BLTP1: variants seen among roughly 807,000 people sequenced by gnomAD.
BLTP1 encodes the protein bridge-like lipid transfer protein family member 1, also known as fragile site-associated protein.
the BLTP1 span, chr4:122,309,124 A>G: frequency 8.6e-7 from 1 of 1,160,096 alleles, no homozygotes. Context: ...AATTTTTAAA[A>G]GGCATCTTTC....
At chr4:122,269,640 G>A in the BLTP1 span, 2 of 985,010 alleles carry the variant, frequency 2.0e-6, no homozygotes, top group Non-Finnish European at 2.4e-6. Context: ...GTTTGTTTTT[G>A]TAGCAGATTG....
chr4:122,336,409 T>C, the BLTP1 span: 18,636 of 1,199,880 alleles, frequency 0.016, 802 homozygotes, highest in African/African-American at 0.14. Context: ...TCTTATTATA[T>C]AGAAGGTTTT....
chr4:122,161,950 C>A, the BLTP1 span, among the ~76,000 whole-genome samples: 1 of 152,118 alleles, frequency 6.6e-6, no homozygotes, highest in African/African-American at 2.4e-5. Context: ...CAAGCACATC[C>A]TTAAGGAGCA....
At chr4:122,343,857 C>G in the BLTP1 span, 1 of 691,892 alleles carries the variant, frequency 1.4e-6, no homozygotes, top group African/African-American at 1.9e-5. Flanking sequence ...ACAGTAATCT[C>G]TGGATATCAG....
At chr4:122,173,197 G>C in the BLTP1 span, 1 of 1,586,116 alleles carries the variant, frequency 6.3e-7, no homozygotes, top group Non-Finnish European at 8.6e-7. Flanking sequence ...TTATAATCTT[G>C]AGATGTTGTC....
chr4:122,347,011 C>A, the BLTP1 span: 1 of 755,082 alleles, frequency 1.3e-6, no homozygotes, highest in Non-Finnish European at 1.6e-6. Context: ...ATAGTTTATT[C>A]TATAACTATC....
At chr4:122,299,571 G>T in the BLTP1 span, among the ~76,000 whole-genome samples, 3 of 152,058 alleles carry the variant, frequency 2.0e-5, no homozygotes, top group Admixed American at 1.3e-4. Context: ...AATAATAATG[G>T]CAACAAAAAG....
the BLTP1 span, chr4:122,170,010 A>T: frequency 1.0e-6 from 1 of 985,084 alleles, no homozygotes; most frequent in South Asian, 4.7e-5. Context: ...GATGTTTTTG[A>T]TTAAAGAATA....
the BLTP1 span, chr4:122,257,370 C>T: frequency 9.9e-6 from 16 of 1,614,002 alleles, no homozygotes; most frequent in Non-Finnish European, 1.4e-5. Flanking sequence ...TTACATAGAC[C>T]AGCTCAGCCT....
At chr4:122,174,534 A>C in the BLTP1 span, 2 of 1,599,304 alleles carry the variant, frequency 1.3e-6, no homozygotes, top group Middle Eastern at 1.7e-4. Context: ...TGTCTGTTAA[A>C]ACAGTTACAT....
the BLTP1 span, among the ~76,000 whole-genome samples, chr4:122,194,156 C>T: frequency 6.6e-6 from 1 of 152,194 alleles, no homozygotes; most frequent in African/African-American, 2.4e-5. Context: ...GCCACTGCGC[C>T]CGGCCTCAAG....
At chr4:122,247,152 A>G in the BLTP1 span, 48 of 1,598,126 alleles carry the variant, frequency 3.0e-5, no homozygotes, top group African/African-American at 4.7e-4. Flanking sequence ...CTTTTTTTTC[A>G]TAAAGAGGTG....
chr4:122,273,055 A>T, the BLTP1 span: 1 of 216,606 alleles, frequency 4.6e-6, no homozygotes, highest in Non-Finnish European at 7.9e-6. Flanking sequence ...TACAGCAATA[A>T]AGTTGCAGGG....
the BLTP1 span, chr4:122,204,659 A>G: frequency 9.2e-6 from 7 of 761,732 alleles, no homozygotes; most frequent in Non-Finnish European, 1.1e-5. Flanking sequence ...ATGCTGAACT[A>G]TGAATGAGTG....
the BLTP1 span, among the ~76,000 whole-genome samples, chr4:122,192,958 G>A: frequency 1.3e-5 from 2 of 152,172 alleles, no homozygotes; most frequent in African/African-American, 2.4e-5. Context: ...CTCCAACAAG[G>A]TGGTGGCATG....
the BLTP1 span, among the ~76,000 whole-genome samples, chr4:122,267,925 C>A: frequency 6.6e-6 from 1 of 151,862 alleles, no homozygotes; most frequent in Non-Finnish European, 1.5e-5. Context: ...TGTGTTTTTG[C>A]AAGGTGGTAA....
the BLTP1 span, chr4:122,254,344 T>C: frequency 6.3e-7 from 1 of 1,599,874 alleles, no homozygotes; most frequent in Admixed American, 1.7e-5. Flanking sequence ...ATGCATTTTC[T>C]AGGTAAAGAG....
the BLTP1 span, chr4:122,174,681 C>T: frequency 7.1e-7 from 1 of 1,404,924 alleles, no homozygotes; most frequent in Non-Finnish European, 9.9e-7. Flanking sequence ...TGAAAAGGAC[C>T]CATGTTAAAC....
At chr4:122,196,662 A>G in the BLTP1 span, 4 of 1,609,330 alleles carry the variant, frequency 2.5e-6, no homozygotes, top group Non-Finnish European at 3.4e-6. Flanking sequence ...TTTTCTTTCC[A>G]CCTGACTATC....
Sources: gnomAD v4.1 joint callset for allele counts (sites outside exome capture counted in the v4.1 genomes callset) on GRCh38, gnomAD v4.1.1 for gene constraint, MANE v1.5 for transcripts, NCBI Gene and HGNC (gene_info 2026-07-23, HGNC 2026-07-21) for gene names.